The following TAAR5 variants were observed in gnomAD, a reference collection of about 807,000 sequenced individuals.
TAAR5 encodes the protein trace amine associated receptor 5.
Under a neutral mutation model 21.1 loss-of-function variants are expected in TAAR5, and 27 were observed. The ratio of observed to expected loss-of-function variants is 1.28; its 90% CI spans 0.94 to 1.76. The LOEUF is 1.76. Ranked by LOEUF, TAAR5 falls within the 40% of genes most tolerant of loss-of-function variation. The pLI, the probability that TAAR5 is intolerant of heterozygous loss-of-function variation, is 0.00. For synonymous variants in TAAR5, 203 were observed against 167.5 expected (o/e 1.21, Z -1.64); for missense variants, 495 against 405.6 (o/e 1.22, Z -1.89).
chr6:132,595,411 G>C, the TAAR5 span: 34,553 of 151,958 alleles, frequency 0.23, 4,968 homozygotes, highest in Non-Finnish European at 0.33. Context: ...TACTGTTGGG[G>C]GGTTCTGAGG....
At chr6:132,605,159 C>T in the TAAR5 span, among the ~76,000 whole-genome samples, 1 of 152,192 alleles carries the variant, frequency 6.6e-6, no homozygotes, top group Non-Finnish European at 1.5e-5. Flanking sequence ...AGCCCCATGC[C>T]CAGACTGGGC....
At chr6:132,610,578 C>A in the TAAR5 span, among the ~76,000 whole-genome samples, 162 of 152,162 alleles carry the variant, frequency 1.1e-3, no homozygotes, top group African/African-American at 3.8e-3. Flanking sequence ...TCCTGACCGA[C>A]GGGGAAGAAA....
At chr6:132,607,515 CA>C in the TAAR5 span, among the ~76,000 whole-genome samples, 3 of 152,232 alleles carry the variant, frequency 2.0e-5, no homozygotes, top group African/African-American at 7.2e-5. Context: ...GTGGTTGAAA[CA>C]AGCACAAGGA....
chr6:132,592,356 T>C (rs1366767146), upstream of TAAR5, among the ~76,000 whole-genome samples: 1 of 152,238 alleles, frequency 6.6e-6, no homozygotes, highest in African/African-American at 2.4e-5. Context: ...GTGTTCTTAG[T>C]ACAAGCTCAA....
chr6:132,610,315 A>G, the TAAR5 span, among the ~76,000 whole-genome samples: 1 of 152,130 alleles, frequency 6.6e-6, no homozygotes, highest in East Asian at 1.9e-4. Flanking sequence ...GGCCACAGAA[A>G]AGCAGGCCCA....
At chr6:132,608,821 G>A in the TAAR5 span, 6 of 455,996 alleles carry the variant, frequency 1.3e-5, 1 homozygote, top group African/African-American at 1.2e-4. Flanking sequence ...CCAGCAAAAT[G>A]CCAGCAGTTG....
At chr6:132,594,836 C>A in the TAAR5 span, 3 of 152,134 alleles carry the variant, frequency 2.0e-5, no homozygotes, top group East Asian at 3.9e-4. Flanking sequence ...AGGCCAGTAC[C>A]CCCCCAGAGC....
Position 132,588,619 on chromosome 6 carries a change from G to A in TAAR5, c.*54C>T. The A allele has an allele frequency of 2.6e-6, 4 of 1,553,560 alleles. No individual in the cohort carries two copies. The highest frequency in any genetic ancestry group is 1.2e-5 in the South Asian group (1 of 81,092). Reference sequence around the variant, plus strand: ...ACACCACACAGCCCACGGTCACAGTGCCACTTATCTTTCCTGTGAGGTCCT... The same window carrying A: ...ACACCACACAGCCCACGGTCACAGTACCACTTATCTTTCCTGTGAGGTCCT... On this transcript the variant is annotated 3_prime_UTR_variant, in exon 1 of 1. Transcript: ENST00000258034.
At chr6:132,604,203 G>GCAT in the TAAR5 span, among the ~76,000 whole-genome samples, 2 of 146,674 alleles carry the variant, frequency 1.4e-5, no homozygotes, top group African/African-American at 5.1e-5. Flanking sequence ...GAGTACAGTG[G>GCAT]CATGATCTAG....
the TAAR5 span, among the ~76,000 whole-genome samples, chr6:132,604,688 G>A: frequency 3.3e-5 from 5 of 152,050 alleles, no homozygotes; most frequent in African/African-American, 9.7e-5. Flanking sequence ...TGATGTCTTC[G>A]GGAAGAATTT....
chr6:132,604,323 A>G, the TAAR5 span, among the ~76,000 whole-genome samples: 3 of 151,774 alleles, frequency 2.0e-5, no homozygotes, highest in Non-Finnish European at 4.4e-5. Context: ...CTGTATTTTT[A>G]GTAGAGACGG....
At chr6:132,605,338 T>C in the TAAR5 span, among the ~76,000 whole-genome samples, 1 of 152,170 alleles carries the variant, frequency 6.6e-6, no homozygotes, top group Non-Finnish European at 1.5e-5. Flanking sequence ...CAAATGAATA[T>C]TTATAGTCTT....
the TAAR5 span, among the ~76,000 whole-genome samples, chr6:132,596,810 A>G: frequency 7.9e-5 from 12 of 152,192 alleles, no homozygotes; most frequent in Non-Finnish European, 1.3e-4. Context: ...TAAATTGTTT[A>G]CTAGTCAGTT....
the TAAR5 span, among the ~76,000 whole-genome samples, chr6:132,598,672 C>T: frequency 6.6e-6 from 1 of 152,132 alleles, no homozygotes; most frequent in East Asian, 1.9e-4. Flanking sequence ...GCTTTTGACC[C>T]GTGTGTCTTT....
chr6:132,604,146 C>CTTTTTTTTTTTTTT, the TAAR5 span, among the ~76,000 whole-genome samples: 15 of 126,004 alleles, frequency 1.2e-4, no homozygotes, highest in African/African-American at 2.9e-4. Flanking sequence ...TTTTTCTTTT[C>CTTTTTTTTTTTTTT]TTTTTTTTTT....
the TAAR5 span, among the ~76,000 whole-genome samples, chr6:132,597,534 G>A: frequency 1.3e-5 from 2 of 152,018 alleles, no homozygotes; most frequent in African/African-American, 4.8e-5. Context: ...CCTTTTATTT[G>A]GAGATTCGCC....
chr6:132,589,454 A>T lies in TAAR5; in HGVS notation c.233T>A (p.Leu78Gln). ...CAGCAGACCCAGAAACATGTCAGCC[A>T]GGGCCAGGGAGAGCAGCAGGAAGTT... ...PTNFLLLSLA[L>Q]ADMFLGLLVL... is the part of the protein sequence containing the mutation. Residue 78 changes from leucine to glutamine, a missense_variant, in exon 1 of 1, where the codon CTG (leucine) becomes CAG (glutamine). Transcript: ENST00000258034. The T allele has an allele frequency of 1.9e-6, 3 of 1,613,926 alleles. No homozygotes were observed. Among genetic ancestry groups the T allele is most frequent in the Non-Finnish European group, 2.5e-6 (3 of 1,179,874 alleles).
chr6:132,608,180 G>C, the TAAR5 span: 1 of 373,742 alleles, frequency 2.7e-6, no homozygotes, highest in East Asian at 7.2e-5. Flanking sequence ...TGTAAGGTAT[G>C]TGCTGCAAGT....
At chr6:132,612,437 A>G in the TAAR5 span, among the ~76,000 whole-genome samples, 2 of 152,202 alleles carry the variant, frequency 1.3e-5, no homozygotes, top group Non-Finnish European at 2.9e-5. Context: ...TTCTTCTGGT[A>G]TTGAATTGCT....
Sources: allele counts gnomAD v4.1 joint callset (sites outside exome capture counted in the v4.1 genomes callset), GRCh38; gene constraint gnomAD v4.1.1; transcripts MANE v1.5; gene names NCBI Gene and HGNC (gene_info 2026-07-23, HGNC 2026-07-21).